The following FAM184A variants were observed in gnomAD, a reference collection of about 807,000 sequenced individuals.
FAM184A encodes family with sequence similarity 184 member A.
In FAM184A, 99 loss-of-function variants were observed where a neutral mutation model predicts 143.8. That is an observed-to-expected ratio of 0.69 (90% CI 0.58 to 0.81). The LOEUF (loss-of-function observed/expected upper bound fraction) is 0.81. Among genes scored for constraint, FAM184A ranks in the 40% least tolerant of loss-of-function variants. The probability of loss-of-function intolerance (pLI) is 0.00; values close to 1 mark genes in which losing one functional copy is unlikely to be tolerated. For missense variants in FAM184A, 1,217 were observed against 1,310.5 expected (o/e 0.93, Z 1.10); for synonymous variants, 427 against 446.4 (o/e 0.96, Z 0.55).
intron 1 of FAM184A, among the ~76,000 whole-genome samples, chr6:119,041,971 A>AGGCTTGCCACCATCTTGGAAGC (rs1786353380): frequency 6.6e-6 from 1 of 152,122 alleles, no homozygotes; most frequent in African/African-American, 2.4e-5. Flanking sequence ...AGAGAACACG[A>AGGCTTGCCACCATCTTGGAAGC]GGCTTGCCAC....
At chr6:119,028,572 C>T (rs1283534116) in intron 1 of FAM184A, among the ~76,000 whole-genome samples, 1 of 152,176 alleles carries the variant, frequency 6.6e-6, no homozygotes, top group East Asian at 1.9e-4. Flanking sequence ...GATTTCTGAA[C>T]ACGTGGAGGT....
chr6:119,023,569 G>C (rs1333636755), intron 2 of FAM184A, among the ~76,000 whole-genome samples: 2 of 96,416 alleles, frequency 2.1e-5, no homozygotes, highest in Non-Finnish European at 3.9e-5. Flanking sequence ...CCCCCCCCAG[G>C]AACAGCGTAT....
intron 1 of FAM184A, among the ~76,000 whole-genome samples, chr6:119,113,262 C>T (rs1018543656): frequency 5.9e-5 from 9 of 152,180 alleles, no homozygotes; most frequent in Admixed American, 1.3e-4. Context: ...GAAACTCTCT[C>T]GCTTGCTCAA....
At chr6:118,973,398 T>G (rs1002800616) in intron 14 of FAM184A, among the ~76,000 whole-genome samples, 1 of 152,186 alleles carries the variant, frequency 6.6e-6, no homozygotes, top group Non-Finnish European at 1.5e-5. Flanking sequence ...TATTCTAGAC[T>G]GTAGAGGACA....
chr6:119,068,047 G>C (rs1787526928), intron 1 of FAM184A, among the ~76,000 whole-genome samples: 1 of 112,282 alleles, frequency 8.9e-6, no homozygotes, highest in Non-Finnish European at 1.9e-5. Flanking sequence ...TTGTGTGTGG[G>C]TTTTTTTTTT....
chr6:119,140,987 ATGT>A (rs1772214655), intron 1 of FAM184A, among the ~76,000 whole-genome samples: 1 of 152,170 alleles, frequency 6.6e-6, no homozygotes, highest in Non-Finnish European at 1.5e-5. Flanking sequence ...AAGCCACCTG[ATGT>A]TCTGTCTTCT....
intron 1 of FAM184A, among the ~76,000 whole-genome samples, chr6:119,034,199 C>A (rs1219116545): frequency 6.6e-6 from 1 of 150,988 alleles, no homozygotes; most frequent in Non-Finnish European, 1.5e-5. Flanking sequence ...AGAACCAAAA[C>A]TCATAGAGTA....
intron 1 of FAM184A, among the ~76,000 whole-genome samples, chr6:119,049,861 G>A (rs1485561345): frequency 2.0e-5 from 3 of 152,166 alleles, no homozygotes; most frequent in Non-Finnish European, 4.4e-5. Context: ...AAGAGCTTCT[G>A]CACAGCAAAA....
intron 1 of FAM184A, among the ~76,000 whole-genome samples, chr6:119,131,102 AC>A (rs897273109): frequency 6.6e-6 from 1 of 151,876 alleles, no homozygotes; most frequent in Non-Finnish European, 1.5e-5. Context: ...CAGGTGATCC[AC>A]CCTTCTCTGC....
At chr6:119,081,566 A>T (rs539079659), upstream of FAM184A, among the ~76,000 whole-genome samples, 193 of 152,320 alleles carry the variant, frequency 1.3e-3, 1 homozygote, top group African/African-American at 4.5e-3. Flanking sequence ...TATCACAAGG[A>T]CAGAGGGCTT....
intron 1 of FAM184A, among the ~76,000 whole-genome samples, chr6:119,126,850 G>A (rs1789380510): frequency 6.6e-6 from 1 of 152,178 alleles, no homozygotes; most frequent in African/African-American, 2.4e-5. Context: ...TCAGCAGGAA[G>A]GGGAGCTGGA....
intron 1 of FAM184A, among the ~76,000 whole-genome samples, chr6:119,054,383 T>C (rs551992418): frequency 1.3e-5 from 2 of 152,340 alleles, no homozygotes; most frequent in African/African-American, 4.8e-5. Flanking sequence ...AAGTCCAAGA[T>C]CATCAGCAGA....
intron 1 of FAM184A, among the ~76,000 whole-genome samples, chr6:119,067,768 C>CTTGA (rs1291056332): frequency 6.6e-6 from 1 of 152,138 alleles, no homozygotes; most frequent in Non-Finnish European, 1.5e-5. Flanking sequence ...TCAACCTTTA[C>CTTGA]TTGACAGCTA....
intron 3 of FAM184A, among the ~76,000 whole-genome samples, chr6:119,021,305 C>T (rs1244004735): frequency 6.6e-6 from 1 of 152,208 alleles, no homozygotes; most frequent in African/African-American, 2.4e-5. Context: ...CCTGGGCACA[C>T]TAAACACTTA....
In FAM184A at chr6:118,964,674, A is replaced by G; in HGVS notation, c.3131T>C (p.Leu1044Ser). The stretch of plus-strand genomic sequence containing the variant: ...AGTGTTTACGGCACATACCTTAGCC[A>G]ATGGATTAATAACACCAACAGTAGG... ...SSPTVGVINPLAKQKKKNDKS... is the reference protein window; with the variant it reads ...SSPTVGVINPSAKQKKKNDKS... The change falls in exon 16 of 18, where the codon TTG becomes TCG. Residue 1044 changes from leucine to serine, a missense_variant. Leu to Ser is a moderately radical substitution (Grantham distance 145). Coordinates refer to ENST00000338891, the MANE Select transcript of FAM184A (RefSeq NM_024581.6). 1 of 1,580,220 alleles carries G rather than the reference A, an allele frequency of 6.3e-7. No homozygotes were observed. The highest frequency in any genetic ancestry group is 8.7e-7 in the Non-Finnish European group (1 of 1,151,940).
chr6:119,025,626 A>G (rs759600389), intron 1 of FAM184A: 2 of 518,360 alleles, frequency 3.9e-6, no homozygotes, highest in African/African-American at 3.9e-5. Context: ...GCACAGTAAC[A>G]CTCTCCTTCC....
chr6:119,138,559 A>T (rs1582648496), intron 1 of FAM184A, among the ~76,000 whole-genome samples: 1 of 151,122 alleles, frequency 6.6e-6, no homozygotes, highest in East Asian at 2.0e-4. Flanking sequence ...ACATTTCACC[A>T]CTCTGACACA....
chr6:119,118,049 G>A (rs1042338267), intron 1 of FAM184A, among the ~76,000 whole-genome samples: 10 of 152,324 alleles, frequency 6.6e-5, no homozygotes, highest in Non-Finnish European at 1.3e-4. Context: ...CAGAAACTTT[G>A]CTTTCTGGAT....
At chr6:119,104,062 G>A (rs1260534174) in intron 1 of FAM184A, among the ~76,000 whole-genome samples, 3 of 151,702 alleles carry the variant, frequency 2.0e-5, no homozygotes, top group Admixed American at 6.6e-5. Flanking sequence ...TTTGAGATAG[G>A]GTCTTGCCCT....
Sources: gnomAD v4.1 joint callset for allele counts (sites outside exome capture counted in the v4.1 genomes callset) on GRCh38, gnomAD v4.1.1 for gene constraint, MANE v1.5 for transcripts, NCBI Gene and HGNC (gene_info 2026-07-23, HGNC 2026-07-21) for gene names.